The following SMAD9 variants were observed in gnomAD, a reference collection of about 807,000 sequenced individuals.
The protein encoded by SMAD9 is MAD homolog 9.
A neutral mutation model predicts 46.1 loss-of-function variants in SMAD9; 36 were observed. The ratio of observed to expected loss-of-function variants is 0.78; its 90% CI spans 0.60 to 1.03. The LOEUF (loss-of-function observed/expected upper bound fraction) is 1.03, where lower values mean the gene tolerates loss of function less well. Ranked by LOEUF, SMAD9 falls within the 50% of genes least tolerant of loss-of-function variation. The probability of loss-of-function intolerance (pLI) is 0.00; values close to 1 mark genes in which losing one functional copy is unlikely to be tolerated. For missense variants in SMAD9, 572 were observed against 599.8 expected, an observed-to-expected ratio of 0.95 and a Z score of 0.48; for synonymous variants, 245 against 237.1, an observed-to-expected ratio of 1.03 and a Z score of -0.31.
At chr13:36,860,402 G>A (rs1419187974) in intron 5 of SMAD9, among the ~76,000 whole-genome samples, 1 of 150,808 alleles carries the variant, frequency 6.6e-6, no homozygotes, top group East Asian at 1.9e-4. Flanking sequence ...AATAACCAGG[G>A]TTAATGGTTA....
At chr13:36,912,565 T>C (rs772065896) in intron 1 of SMAD9, among the ~76,000 whole-genome samples, 6 of 152,094 alleles carry the variant, frequency 3.9e-5, no homozygotes, top group Non-Finnish European at 7.4e-5. Context: ...GGGTTTCCTA[T>C]AGGACCAGCC....
intron 1 of SMAD9, among the ~76,000 whole-genome samples, chr13:36,915,545 A>AAGAG (rs138874977): frequency 2.0e-5 from 3 of 150,674 alleles, no homozygotes; most frequent in Non-Finnish European, 4.4e-5. Context: ...GAATGAGACA[A>AAGAG]AGAGAGAGAG....
At position 36,865,703 on chromosome 13, in the gene SMAD9, A is replaced by G; in HGVS notation, c.837T>C (p.Tyr279=). Residue 279 remains tyrosine, a synonymous_variant, in exon 5 of 7, where the codon TAT becomes TAC. Transcript: ENST00000379826. ...EPQHWCSVAY[Y]ELNNRVGETF... ...TCTCCCCAACTCGGTTGTTCAGTTC[A>G]TAGTAGGCGACCGAGCACCAGTGCT... The G allele has an allele frequency of 6.2e-7, 1 of 1,614,162 alleles. No individual in the cohort carries two copies. Among genetic ancestry groups the G allele is most frequent in the Non-Finnish European group, 8.5e-7 (1 of 1,180,004 alleles).
intron 1 of SMAD9, among the ~76,000 whole-genome samples, chr13:36,908,152 A>G (rs1336641416): frequency 6.6e-6 from 1 of 152,246 alleles, no homozygotes; most frequent in African/African-American, 2.4e-5. Flanking sequence ...AGTTGCTTCT[A>G]TACTAAAAAG....
At chr13:36,911,692 G>A (rs2058663287) in intron 1 of SMAD9, among the ~76,000 whole-genome samples, 1 of 151,394 alleles carries the variant, frequency 6.6e-6, no homozygotes, top group Non-Finnish European at 1.5e-5. Flanking sequence ...TGCTGTTCGG[G>A]GAAGCTCAAT....
chr13:36,914,541 A>C (rs939386526), intron 1 of SMAD9, among the ~76,000 whole-genome samples: 4 of 152,046 alleles, frequency 2.6e-5, no homozygotes, highest in Admixed American at 6.6e-5. Flanking sequence ...CAAAACAAAA[A>C]AAAACTTACT....
intron 1 of SMAD9, among the ~76,000 whole-genome samples, chr13:36,883,611 C>G (rs987585648): frequency 6.6e-6 from 1 of 151,996 alleles, no homozygotes; most frequent in Non-Finnish European, 1.5e-5. Flanking sequence ...GTTAATTGGG[C>G]GTGGTGGCGG....
At chr13:36,874,329 C>A (rs1300112192) in intron 2 of SMAD9, among the ~76,000 whole-genome samples, 1 of 152,198 alleles carries the variant, frequency 6.6e-6, no homozygotes, top group Non-Finnish European at 1.5e-5. Context: ...ATTCCAAAAG[C>A]TCCTAGAGGA....
intron 1 of SMAD9, among the ~76,000 whole-genome samples, chr13:36,914,809 T>C (rs1401726488): frequency 6.6e-6 from 1 of 152,194 alleles, no homozygotes; most frequent in Non-Finnish European, 1.5e-5. Context: ...CTCCTGGCAC[T>C]TCAGTTGAAC....
At position 36,898,100 on chromosome 13, in the gene SMAD9, C is replaced by G. The variant is rs60606448; in HGVS notation, c.-186-18225G>C. Among the ~76,000 whole-genome samples, 3 of 151,858 alleles carry G rather than the reference C, an allele frequency of 2.0e-5. No homozygotes were observed. In the East Asian group the frequency reaches 5.8e-4, roughly 29 times the overall value. ...GTCTCAACCTCCTGACCTCGTGATC[C>G]GCCCGCCTCGGCCTCCCAAAGTGCT... On this transcript the variant is annotated intron_variant, in intron 1 of 6. Transcript: ENST00000379826.
intron 1 of SMAD9, among the ~76,000 whole-genome samples, chr13:36,905,982 T>A (rs1305559647): frequency 6.6e-6 from 1 of 152,128 alleles, no homozygotes; most frequent in African/African-American, 2.4e-5. Flanking sequence ...AAAATTCTTA[T>A]TTCTAATCTA....
intron 1 of SMAD9, among the ~76,000 whole-genome samples, chr13:36,887,651 T>G (rs1008966148): frequency 6.6e-6 from 1 of 152,068 alleles, no homozygotes; most frequent in African/African-American, 2.4e-5. Flanking sequence ...TGGTAGTTAC[T>G]AGGAAGGTAA....
At position 36,853,658 on chromosome 13, in the gene SMAD9, C is replaced by G. The variant is rs776111631; in HGVS notation, c.1021G>C (p.Val341Leu). 1.2e-6 allele frequency: 2 copies of G among 1,614,102 alleles called. No individual in the cohort carries two copies. Among genetic ancestry groups the G allele is most frequent in the East Asian group, 2.2e-5 (1 of 44,880 alleles). ...CACTCGGCATACACCTCTCCCCCGA[C>G]GTAGTACAAGTGCACACCTGCAGAC... ...HIGKGVHLYY[V>L]GGEVYAECVS... Residue 341 changes from valine to leucine, a missense_variant, in exon 6 of 7, where the codon GTC becomes CTC. By Grantham distance (32) the Val-to-Leu change is conservative. Coordinates refer to ENST00000379826, the MANE Select transcript of SMAD9 (RefSeq NM_001127217.3).
At chr13:36,859,766 G>A (rs2058161679) in intron 5 of SMAD9, among the ~76,000 whole-genome samples, 1 of 152,106 alleles carries the variant, frequency 6.6e-6, no homozygotes, top group South Asian at 2.1e-4. Flanking sequence ...TTTGAGACCA[G>A]CCTGAGCAAT....
chr13:36,915,389 G>A (rs1257609482), intron 1 of SMAD9, among the ~76,000 whole-genome samples: 1 of 152,112 alleles, frequency 6.6e-6, no homozygotes, highest in Non-Finnish European at 1.5e-5. Flanking sequence ...TCGGGACTGA[G>A]GAGTACATGT....
At chr13:36,864,437 G>C (rs928477624) in intron 5 of SMAD9, among the ~76,000 whole-genome samples, 4 of 152,154 alleles carry the variant, frequency 2.6e-5, no homozygotes, top group African/African-American at 9.7e-5. Context: ...GTACTAACCA[G>C]GCCCGACCCT....
At position 36,872,869 on chromosome 13, in the gene SMAD9, C is replaced by T; in HGVS notation, c.459G>A (p.Gln153=). Residue 153 remains glutamine, a synonymous_variant, in exon 3 of 7, where the codon CAG becomes CAA. Coordinates refer to ENST00000379826, the MANE Select transcript of SMAD9 (RefSeq NM_001127217.3). Reference sequence around the variant, plus strand: ...TGCGGAACTTGGCCAGGAGGCTGAGCTGGGGGTTATATTCACTGTGTCTTG... The same window carrying T: ...TGCGGAACTTGGCCAGGAGGCTGAGTTGGGGGTTATATTCACTGTGTCTTG... ...LVPRHSEYNP[Q]LSLLAKFRSA... 6.2e-7 allele frequency: 1 copy of T among 1,614,100 alleles called. No homozygotes were observed. The highest frequency in any genetic ancestry group is 8.5e-7 in the Non-Finnish European group (1 of 1,180,022).
chr13:36,853,319 A>G (rs911231704), intron 6 of SMAD9, 100 bp downstream of exon 6: 11 of 1,139,184 alleles, frequency 9.7e-6, no homozygotes, highest in Non-Finnish European at 1.4e-5. Flanking sequence ...GGTTTTGTCT[A>G]TCAGAATTGA....
chr13:36,879,755 G>A lies in SMAD9; in HGVS notation c.-66C>T, dbSNP rs1439315173. On this transcript the variant is annotated 5_prime_UTR_variant, in exon 2 of 7. Coordinates refer to ENST00000379826, the MANE Select transcript of SMAD9 (RefSeq NM_001127217.3). ...AGCCCTTCACGGCAAAGTGGGCGGC[G>A]AGTAGCTCTCCAGGGGTGGCATAGG... 22 of 1,585,618 alleles carry A rather than the reference G, an allele frequency of 1.4e-5. No homozygotes were observed. Among genetic ancestry groups the A allele is most frequent in the South Asian group, 4.4e-5 (4 of 90,284 alleles).
Sources: allele counts gnomAD v4.1 joint callset (sites outside exome capture counted in the v4.1 genomes callset), GRCh38; gene constraint gnomAD v4.1.1; transcripts MANE v1.5; gene names NCBI Gene and HGNC (gene_info 2026-07-23, HGNC 2026-07-21).